The following RIT2 variants were observed in gnomAD, a reference collection of about 807,000 sequenced individuals.
RIT2 encodes GTP-binding protein Rit2.
A neutral mutation model predicts 23.7 loss-of-function variants in RIT2; 24 were observed. The observed-to-expected ratio is 1.01, with a 90% CI of 0.73 to 1.43. The LOEUF (loss-of-function observed/expected upper bound fraction) is 1.43, where lower values mean the gene tolerates loss of function less well. Ranked by LOEUF, RIT2 falls within the 40% of genes most tolerant of loss-of-function variation. The pLI, the probability that RIT2 is intolerant of heterozygous loss-of-function variation, is 0.00. For missense variants in RIT2, 236 were observed against 266.9 expected, an observed-to-expected ratio of 0.88 and a Z score of 0.81; for synonymous variants, 107 against 91.1, an observed-to-expected ratio of 1.17 and a Z score of -0.99.
chr18:42,839,389 T>C (rs1002768738), intron 4 of RIT2, among the ~76,000 whole-genome samples: 7 of 152,208 alleles, frequency 4.6e-5, no homozygotes, highest in African/African-American at 1.4e-4. Flanking sequence ...TTGAGAGCCA[T>C]GTGTTTTCTC....
At chr18:42,955,275 C>T (rs1909945980) in intron 3 of RIT2, among the ~76,000 whole-genome samples, 1 of 152,160 alleles carries the variant, frequency 6.6e-6, no homozygotes, top group African/African-American at 2.4e-5. Flanking sequence ...GAAGAGCAGA[C>T]ACCAGAGAGT....
intron 4 of RIT2, among the ~76,000 whole-genome samples, chr18:42,811,539 A>T (rs1905849314): frequency 6.6e-6 from 1 of 152,122 alleles, no homozygotes; most frequent in African/African-American, 2.4e-5. Flanking sequence ...TGAACTCCAT[A>T]TTTAGCTTCC....
intron 1 of RIT2, among the ~76,000 whole-genome samples, chr18:43,055,656 G>T (rs373914384): frequency 2.2e-4 from 33 of 152,184 alleles, no homozygotes; most frequent in African/African-American, 7.0e-4. Flanking sequence ...TTTGAGAAAA[G>T]ATGTAATTTA....
intron 4 of RIT2, among the ~76,000 whole-genome samples, chr18:42,862,103 C>G (rs1237916572): frequency 1.3e-5 from 2 of 152,060 alleles, no homozygotes; most frequent in Non-Finnish European, 2.9e-5. Flanking sequence ...GACTCTGTGT[C>G]CCTACCCAAA....
chr18:42,824,955 A>C (rs1484755359), intron 4 of RIT2, among the ~76,000 whole-genome samples: 1 of 151,938 alleles, frequency 6.6e-6, no homozygotes, highest in African/African-American at 2.4e-5. Flanking sequence ...TTCTATTTTC[A>C]AGCTAAAAAA....
chr18:42,983,703 A>G (rs1230487975), intron 2 of RIT2, among the ~76,000 whole-genome samples: 1 of 152,090 alleles, frequency 6.6e-6, no homozygotes, highest in African/African-American at 2.4e-5. Context: ...AAAGACAGGA[A>G]GGGCAATTTT....
intron 4 of RIT2, among the ~76,000 whole-genome samples, chr18:42,805,898 A>G (rs1332751264): frequency 1.3e-5 from 2 of 152,098 alleles, no homozygotes; most frequent in Admixed American, 1.3e-4. Flanking sequence ...CCAGCCTTTC[A>G]CTGAATACTC....
chr18:42,796,285 A>C (rs535001231), intron 4 of RIT2, among the ~76,000 whole-genome samples: 145 of 152,270 alleles, frequency 9.5e-4, no homozygotes, highest in African/African-American at 3.2e-3. Flanking sequence ...ACTCACCGTG[A>C]AGGTCTGTGG....
intron 3 of RIT2, among the ~76,000 whole-genome samples, chr18:42,965,319 A>G (rs920382877): frequency 2.6e-5 from 4 of 152,146 alleles, no homozygotes; most frequent in Non-Finnish European, 5.9e-5. Context: ...AATGCTACAC[A>G]TCCCATTTGA....
chr18:42,860,523 A>C, intron 4 of RIT2, among the ~76,000 whole-genome samples: 1 of 152,210 alleles, frequency 6.6e-6, no homozygotes, highest in Non-Finnish European at 1.5e-5. Flanking sequence ...TTACTTCAAC[A>C]TTCTGGAAGT....
At chr18:42,848,752 T>A (rs1906973526) in intron 4 of RIT2, among the ~76,000 whole-genome samples, 1 of 152,172 alleles carries the variant, frequency 6.6e-6, no homozygotes, top group Non-Finnish European at 1.5e-5. Flanking sequence ...GTGAAGTTTT[T>A]TTTTAGTGAA....
chr18:42,824,693 A>G (rs1906245697), intron 4 of RIT2, among the ~76,000 whole-genome samples: 1 of 151,962 alleles, frequency 6.6e-6, no homozygotes, highest in South Asian at 2.1e-4. Context: ...TATTCATATC[A>G]AGTTATTCTC....
At chr18:42,784,085 C>A (rs936783035) in intron 4 of RIT2, among the ~76,000 whole-genome samples, 1 of 152,066 alleles carries the variant, frequency 6.6e-6, no homozygotes, top group Middle Eastern at 3.4e-3. Context: ...GGTAGTTGTA[C>A]ACACTTCCCA....
At chr18:42,995,318 C>T (rs1910954515) in intron 2 of RIT2, among the ~76,000 whole-genome samples, 1 of 151,964 alleles carries the variant, frequency 6.6e-6, no homozygotes, top group African/African-American at 2.4e-5. Flanking sequence ...TTGCCCCCAC[C>T]CAGGACTGGT....
At chr18:42,950,200 A>G (rs1909817267) in intron 3 of RIT2, among the ~76,000 whole-genome samples, 1 of 152,144 alleles carries the variant, frequency 6.6e-6, no homozygotes, top group South Asian at 2.1e-4. Flanking sequence ...CTGGTACAAA[A>G]ACAGTCTAAT....
intron 1 of RIT2, among the ~76,000 whole-genome samples, chr18:43,039,870 T>A (rs1912086786): frequency 6.6e-6 from 1 of 152,166 alleles, no homozygotes; most frequent in Non-Finnish European, 1.5e-5. Flanking sequence ...CTTCAAAACT[T>A]GATGCTGAAA....
intron 4 of RIT2, among the ~76,000 whole-genome samples, chr18:42,788,203 T>G (rs1913965045): frequency 6.6e-6 from 1 of 152,150 alleles, no homozygotes; most frequent in South Asian, 2.1e-4. Context: ...AGCTAGATTC[T>G]TATATCTGCT....
At chr18:42,790,055 G>T (rs1289247594) in intron 4 of RIT2, among the ~76,000 whole-genome samples, 1 of 152,066 alleles carries the variant, frequency 6.6e-6, no homozygotes, top group Non-Finnish European at 1.5e-5. Flanking sequence ...CTTATCAAAT[G>T]CTTTTTCTGT....
chr18:42,789,307 G>A (rs934964178), intron 4 of RIT2, among the ~76,000 whole-genome samples: 7 of 152,174 alleles, frequency 4.6e-5, no homozygotes, highest in East Asian at 1.9e-4. Context: ...ACCGTGGTCC[G>A]TAGGCTACAC....
Sources: allele counts gnomAD v4.1 joint callset (sites outside exome capture counted in the v4.1 genomes callset), GRCh38; gene constraint gnomAD v4.1.1; transcripts MANE v1.5; gene names NCBI Gene and HGNC (gene_info 2026-07-23, HGNC 2026-07-21).